Variants in SHISA8 observed in about 807,000 individuals in gnomAD.
The protein encoded by SHISA8 is protein shisa-8.
In SHISA8, 21 loss-of-function variants were observed where a neutral mutation model predicts 21.1. That is an observed-to-expected ratio of 0.99 (90% CI 0.71 to 1.43). The LOEUF (loss-of-function observed/expected upper bound fraction) is 1.43. Among genes scored for constraint, SHISA8 ranks in the 40% most tolerant of loss-of-function variants. SHISA8 has a pLI of 0.00. For synonymous variants in SHISA8, 300 were observed against 291.4 expected (o/e 1.03, Z -0.30); for missense variants, 535 against 599.1 (o/e 0.89, Z 1.12).
Position 41,910,328 on chromosome 22 carries a change from T to C in SHISA8, c.811+80A>G. 4 of 1,252,764 alleles carry C rather than the reference T, an allele frequency of 3.2e-6. No homozygotes were observed. Among genetic ancestry groups the C allele is most frequent in the Non-Finnish European group, 4.0e-6 (4 of 997,932 alleles). 77.6% of individuals were successfully genotyped at this position (1,252,764 alleles called of 1,614,324 possible). A position where few individuals can be genotyped will look rare whatever the true frequency, so the allele number is the denominator to read the frequency against. ...GCGCGCGGAACTGGGAATTTGGCGC[T>C]TGGAGCTGCGGCCCCGCGCTTCGCA... On this transcript the variant is annotated intron_variant, in intron 3 of 3. Transcript: ENST00000621082. This position sits in a 1 kb window ranked among gnomAD's most constrained non-coding sequence, Gnocchi z 6.8.
intron 2 of SHISA8, among the ~76,000 whole-genome samples, 176 bp downstream of exon 2, chr22:41,911,039 TG>T (rs911372134): frequency 1.3e-5 from 2 of 151,918 alleles, no homozygotes; most frequent in Non-Finnish European, 2.9e-5. Flanking sequence ...GCAGGACCCG[TG>T]GGGGGTCCCT....
chr22:41,911,637 G>A (rs1238244130), intron 1 of SHISA8, among the ~76,000 whole-genome samples: 2 of 151,968 alleles, frequency 1.3e-5, no homozygotes, highest in African/African-American at 2.4e-5. Flanking sequence ...TTCCCCAGGT[G>A]AGCCTCCCCT....
At chr22:41,911,489 C>A in intron 1 of SHISA8, 140 bp from the exon 2 acceptor site, 1 of 937,376 alleles carries the variant, frequency 1.1e-6, no homozygotes, top group Non-Finnish European at 1.4e-6. Flanking sequence ...CGAAATCACG[C>A]ACGAGTTTCC....
At chr22:41,912,995 C>A (rs969117428) in intron 1 of SHISA8, among the ~76,000 whole-genome samples, 1 of 152,248 alleles carries the variant, frequency 6.6e-6, no homozygotes, top group Non-Finnish European at 1.5e-5. Context: ...TCATGGGGGA[C>A]CCCCAAATTT....
In SHISA8 at chr22:41,909,592, A is replaced by G. The variant is rs1602361234; in HGVS notation, c.*173T>C. ...CTTTATTCTCAGGGGCAGGAACCAC[A>G]TAAAAGGGCTTATTTACAAGACGAA... On this transcript the variant is annotated 3_prime_UTR_variant, in exon 4 of 4. Transcript: ENST00000621082. 1 of 846,178 alleles carries G rather than the reference A, an allele frequency of 1.2e-6. No homozygotes were observed. Among genetic ancestry groups the G allele is most frequent in the Non-Finnish European group, 1.6e-6 (1 of 617,990 alleles). 52.4% of individuals were successfully genotyped at this position (846,178 alleles called of 1,614,324 possible).
Position 41,910,598 on chromosome 22 carries a change from C to A in SHISA8, c.665-44G>T. Reference sequence around the variant, plus strand: ...CGCGGCTCGGTCCGATGCCCCGGTTCACTCCGCCCTCGCTGTCACCTCTCC... The same window carrying A: ...CGCGGCTCGGTCCGATGCCCCGGTTAACTCCGCCCTCGCTGTCACCTCTCC... On this transcript the variant is annotated intron_variant, in intron 2 of 3. Transcript: ENST00000621082. The surrounding 1 kb of genome is among the most constrained non-coding windows in gnomAD (Gnocchi z 6.8). 8.2e-7 allele frequency: 1 copy of A among 1,216,832 alleles called. No individual in the cohort carries two copies. The highest frequency in any genetic ancestry group is 4.1e-5 in the South Asian group (1 of 24,214). The allele number at this position is 1,216,832 out of a possible 1,614,324, so 75.4% of individuals were successfully genotyped here.
Position 41,914,092 on chromosome 22 carries a change from A to C in SHISA8, c.530+46T>G. ...GCGGGAAGGATCAGCGGGCAGGGAGAGCAGTCCGAGGAGCAGGCGGGGGTC... is the reference window on the plus strand; with the variant it reads ...GCGGGAAGGATCAGCGGGCAGGGAGCGCAGTCCGAGGAGCAGGCGGGGGTC... On this transcript the variant is annotated intron_variant, in intron 1 of 3. Coordinates refer to ENST00000621082, the MANE Select transcript of SHISA8 (RefSeq NM_001207020.3). The surrounding 1 kb of genome is among the most constrained non-coding windows in gnomAD (Gnocchi z 6.8). 7.5e-7 allele frequency: 1 copy of C among 1,336,270 alleles called. No homozygotes were observed. Among genetic ancestry groups the C allele is most frequent in the East Asian group, 3.1e-5 (1 of 31,936 alleles). The allele number at this position is 1,336,270 out of a possible 1,614,324, so 82.8% of individuals were successfully genotyped here. A position where few individuals can be genotyped will look rare whatever the true frequency, so the allele number is the denominator to read the frequency against.
chr22:41,910,302 GGCGC>G lies in SHISA8; in HGVS notation c.811+102_811+105del. 2 of 1,238,224 alleles carry G rather than the reference GGCGC, an allele frequency of 1.6e-6. No homozygotes were observed. The highest frequency in any genetic ancestry group is 2.0e-6 in the Non-Finnish European group (2 of 989,684). 76.7% of individuals were successfully genotyped at this position (1,238,224 alleles called of 1,614,324 possible). A position where few individuals can be genotyped will look rare whatever the true frequency, so the allele number is the denominator to read the frequency against. ...GAGGGAGCCGATTGGCCGAGCGGCGGGCGCGCGGAACTGGGAATTTGGCGCTTGG... is the reference window on the plus strand; with the variant it reads ...GAGGGAGCCGATTGGCCGAGCGGCGGGCGGAACTGGGAATTTGGCGCTTGG... On this transcript the variant is annotated intron_variant, in intron 3 of 3. Coordinates refer to ENST00000621082, the MANE Select transcript of SHISA8 (RefSeq NM_001207020.3). This position sits in a 1 kb window ranked among gnomAD's most constrained non-coding sequence, Gnocchi z 6.8.
Position 41,911,256 on chromosome 22 carries a change from C to A in SHISA8, c.624G>T (p.Met208Ile). ...PPLGGCVQVQMGDGLPRGSPH... is the reference protein window; with the variant it reads ...PPLGGCVQVQIGDGLPRGSPH... ...GGGAGCCCCGGGGGAGGCCGTCCCCCATCTGCACCTGGACACAGCCACCCA... is the reference window on the plus strand; with the variant it reads ...GGGAGCCCCGGGGGAGGCCGTCCCCAATCTGCACCTGGACACAGCCACCCA... Residue 208 changes from methionine (M) to isoleucine (I), a missense_variant, in exon 2 of 4, where the codon ATG (methionine) becomes ATT (isoleucine). Met to Ile is a conservative substitution (Grantham distance 10, BLOSUM62 1). Transcript: ENST00000621082. The A allele has an allele frequency of 7.8e-7, 1 of 1,284,464 alleles. No individual in the cohort carries two copies. The highest frequency in any genetic ancestry group is 9.8e-7 in the Non-Finnish European group (1 of 1,015,684). 79.6% of individuals were successfully genotyped at this position (1,284,464 alleles called of 1,614,324 possible). A position where few individuals can be genotyped will look rare whatever the true frequency, so the allele number is the denominator to read the frequency against.
At position 41,910,244 on chromosome 22, in the gene SHISA8, C is replaced by T. The variant is rs1351871689; in HGVS notation, c.812-97G>A. 6 of 1,219,050 alleles carry T rather than the reference C, an allele frequency of 4.9e-6. No individual in the cohort carries two copies. Among genetic ancestry groups the T allele is most frequent in the Non-Finnish European group, 6.1e-6 (6 of 978,322 alleles). 75.5% of individuals were successfully genotyped at this position (1,219,050 alleles called of 1,614,324 possible). ...GCCGGGGACTGGGACGGGGACCGGG[C>T]CGGGGCGGGCCGGGGGCGGGGCCCG... On this transcript the variant is annotated intron_variant, in intron 3 of 3. Coordinates refer to ENST00000621082, the MANE Select transcript of SHISA8 (RefSeq NM_001207020.3). The surrounding 1 kb of genome is among the most constrained non-coding windows in gnomAD (Gnocchi z 6.8).
Position 41,910,250 on chromosome 22 carries a change from C to T in SHISA8, c.812-103G>A. 8.2e-7 allele frequency: 1 copy of T among 1,224,268 alleles called. No homozygotes were observed. Among genetic ancestry groups the T allele is most frequent in the Non-Finnish European group, 1.0e-6 (1 of 981,912 alleles). 75.8% of individuals were successfully genotyped at this position (1,224,268 alleles called of 1,614,324 possible). A position where few individuals can be genotyped will look rare whatever the true frequency, so the allele number is the denominator to read the frequency against. On this transcript the variant is annotated intron_variant, in intron 3 of 3. Coordinates refer to ENST00000621082, the MANE Select transcript of SHISA8 (RefSeq NM_001207020.3). This position sits in a 1 kb window ranked among gnomAD's most constrained non-coding sequence, Gnocchi z 6.8. The stretch of plus-strand genomic sequence containing the variant: ...GACTGGGACGGGGACCGGGCCGGGG[C>T]GGGCCGGGGGCGGGGCCCGCTGGGG...
chr22:41,909,819 C>T lies in SHISA8; in HGVS notation c.1140G>A (p.Ala380=), dbSNP rs371743472. Residue 380 remains alanine, a synonymous_variant, in exon 4 of 4, where the codon GCG becomes GCA. Coordinates refer to ENST00000621082, the MANE Select transcript of SHISA8 (RefSeq NM_001207020.3). ...TCCTTAGGTACCGGGACCCGCGGCC[C>T]GCGCTGCCGTAAAGGCCGGGGAGCT... The part of the protein sequence containing the change: ...NPQLPGLYGS[A]GRGSRYLRTN... 2.0e-6 allele frequency: 3 copies of T among 1,519,250 alleles called. No individual in the cohort carries two copies. Among genetic ancestry groups the T allele is most frequent in the African/African-American group, 1.4e-5 (1 of 71,670 alleles). 94.1% of individuals were successfully genotyped at this position (1,519,250 alleles called of 1,614,324 possible). A position where few individuals can be genotyped will look rare whatever the true frequency, so the allele number is the denominator to read the frequency against.
chr22:41,911,463 C>T (rs747728048), intron 1 of SHISA8, 114 bp from the exon 2 acceptor site: 1 of 1,140,786 alleles, frequency 8.8e-7, no homozygotes, highest in Non-Finnish European at 1.1e-6. Context: ...CTCTCCAGGC[C>T]GTCCTCTCCG....
Position 41,909,735 on chromosome 22 carries a change from C to A in SHISA8, c.*30G>T. On this transcript the variant is annotated 3_prime_UTR_variant, in exon 4 of 4. Coordinates refer to ENST00000621082, the MANE Select transcript of SHISA8 (RefSeq NM_001207020.3). ...CTCCGACGGGCAGACAGGACCCCAG[C>A]CCATGCCTCGAGGGCACCGCGGCCC... 5 of 1,407,328 alleles carry A rather than the reference C, an allele frequency of 3.6e-6. No homozygotes were observed. In the African/African-American group the frequency reaches 5.9e-5, roughly 17 times the overall value. 87.2% of individuals were successfully genotyped at this position (1,407,328 alleles called of 1,614,324 possible). A position where few individuals can be genotyped will look rare whatever the true frequency, so the allele number is the denominator to read the frequency against.
rs900246272 is a variant in SHISA8 at position 41,915,026 on chromosome 22, G to T, written c.-359C>A. Among the ~76,000 whole-genome samples the T allele has an allele frequency of 5.9e-5, 9 of 151,886 alleles. No individual in the cohort carries two copies. The highest frequency in any genetic ancestry group is 2.2e-4 in the African/African-American group (9 of 41,388). ...GGAGGCCGCGCCGGGGCCGCGGGCC[G>T]CCCGACTGCGCTACCTTCCCGCCGC... On this transcript the variant is annotated 5_prime_UTR_variant, in exon 1 of 4. Coordinates refer to ENST00000621082, the MANE Select transcript of SHISA8 (RefSeq NM_001207020.3). The surrounding 1 kb of genome is among the most constrained non-coding windows in gnomAD (Gnocchi z 5.0).
In SHISA8 at chr22:41,909,583, AG is replaced by A; in HGVS notation, c.*181del. 2.7e-6 allele frequency: 2 copies of A among 735,950 alleles called. No homozygotes were observed. Among genetic ancestry groups the A allele is most frequent in the Non-Finnish European group, 1.9e-6 (1 of 522,100 alleles). 45.6% of individuals were successfully genotyped at this position (735,950 alleles called of 1,614,324 possible). On this transcript the variant is annotated 3_prime_UTR_variant, in exon 4 of 4. Coordinates refer to ENST00000621082, the MANE Select transcript of SHISA8 (RefSeq NM_001207020.3). ...CTGGGGCTTCTTTATTCTCAGGGGCAGGAACCACATAAAAGGGCTTATTTAC... is the reference window on the plus strand; with the variant it reads ...CTGGGGCTTCTTTATTCTCAGGGGCAGAACCACATAAAAGGGCTTATTTAC...
chr22:41,913,651 G>A (rs1222384483), intron 1 of SHISA8, among the ~76,000 whole-genome samples: 1 of 152,144 alleles, frequency 6.6e-6, no homozygotes, highest in Non-Finnish European at 1.5e-5. Context: ...AAGGAGGGAA[G>A]GGCAGCCTTG....
rs1464313621 is a variant in SHISA8, at chr22:41,914,630, C to T, written c.38G>A (p.Arg13His). ...CGCGAGCCGGAGGCCGGGAGGACGGCGGCCGCCGAGCAGTCCCCGCGCCCC... is the reference window on the plus strand; with the variant it reads ...CGCGAGCCGGAGGCCGGGAGGACGGTGGCCGCCGAGCAGTCCCCGCGCCCC... ...RAGARGLLGG[R>H]RPPGLRLALA... Residue 13 changes from arginine to histidine, a missense_variant, in exon 1 of 4, where the codon CGC (arginine) becomes CAC (histidine). Transcript: ENST00000621082. This position sits in a 1 kb window ranked among gnomAD's most constrained non-coding sequence, Gnocchi z 6.8. 9.6e-7 allele frequency: 1 copy of T among 1,046,872 alleles called. No homozygotes were observed. The highest frequency in any genetic ancestry group is 1.1e-6 in the Non-Finnish European group (1 of 872,192). 64.8% of individuals were successfully genotyped at this position (1,046,872 alleles called of 1,614,324 possible). A position where few individuals can be genotyped will look rare whatever the true frequency, so the allele number is the denominator to read the frequency against.
In SHISA8 at chr22:41,909,980, C is replaced by G. The variant is rs1420384311; in HGVS notation, c.979G>C (p.Ala327Pro). 1 of 1,383,454 alleles carries G rather than the reference C, an allele frequency of 7.2e-7. No individual in the cohort carries two copies. Among genetic ancestry groups the G allele is most frequent in the African/African-American group, 1.5e-5 (1 of 65,426 alleles). 85.7% of individuals were successfully genotyped at this position (1,383,454 alleles called of 1,614,324 possible). Residue 327 changes from alanine (A) to proline (P), a missense_variant, in exon 4 of 4, where the codon GCC becomes CCC. Coordinates refer to ENST00000621082, the MANE Select transcript of SHISA8 (RefSeq NM_001207020.3). ...CGGGCCGGGCGACTGGAGGTCCAGG[C>G]GGCATAGGGGCCCGGCGCGGCAGGG... ...APPAAPGPYA[A>P]WTSSRPARPA...
Sources: allele counts gnomAD v4.1 joint callset (sites outside exome capture counted in the v4.1 genomes callset), GRCh38; gene constraint gnomAD v4.1.1; non-coding constraint Gnocchi (gnomAD v3.1); transcripts MANE v1.5; gene names NCBI Gene and HGNC (gene_info 2026-07-23, HGNC 2026-07-21).